Variants in RBFOX2 observed in about 807,000 individuals in gnomAD.
The protein encoded by RBFOX2 is RNA binding protein fox-1 homolog 2.
In RBFOX2, 10 loss-of-function variants were observed where a neutral mutation model predicts 49.1. The ratio of observed to expected loss-of-function variants is 0.20; its 90% CI spans 0.13 to 0.35. The LOEUF is 0.35. Among genes scored for constraint, RBFOX2 ranks in the 10% least tolerant of loss-of-function variants. The pLI, the probability that RBFOX2 is intolerant of heterozygous loss-of-function variation, is 1.00. For synonymous variants in RBFOX2, 183 were observed against 187.4 expected, an observed-to-expected ratio of 0.98 and a Z score of 0.19; for missense variants, 323 against 486.9, an observed-to-expected ratio of 0.66 and a Z score of 3.17.
chr22:35,971,011 T>A (rs1233365030), intron 1 of RBFOX2, among the ~76,000 whole-genome samples: 2 of 152,056 alleles, frequency 1.3e-5, no homozygotes, highest in Admixed American at 6.6e-5. Flanking sequence ...ATATAAAATA[T>A]ATCCCTGGTG....
intron 1 of RBFOX2, chr22:35,999,099 A>T (rs1014415878): frequency 1.3e-5 from 2 of 152,246 alleles, no homozygotes; most frequent in South Asian, 4.1e-4. Flanking sequence ...AAGGGTAAAA[A>T]GGGGTCTGTG....
At chr22:35,925,495 G>A (rs1240951048) in intron 1 of RBFOX2, among the ~76,000 whole-genome samples, 1 of 152,174 alleles carries the variant, frequency 6.6e-6, no homozygotes, top group African/African-American at 2.4e-5. Flanking sequence ...TCCAGCCTGA[G>A]GGACAGAGAG....
intron 1 of RBFOX2, among the ~76,000 whole-genome samples, chr22:35,826,322 A>C (rs1290512901): frequency 1.3e-5 from 2 of 148,716 alleles, no homozygotes; most frequent in African/African-American, 2.5e-5. Flanking sequence ...AGCCTGGGCA[A>C]CAAGAGCGAA....
intron 5 of RBFOX2, among the ~76,000 whole-genome samples, chr22:35,767,700 GAT>G (rs1941432838): frequency 6.6e-6 from 1 of 152,080 alleles, no homozygotes; most frequent in Non-Finnish European, 1.5e-5. Context: ...CTTGGTATTA[GAT>G]ATATTTAAAA....
chr22:35,986,457 G>A (rs2057729520), intron 1 of RBFOX2, among the ~76,000 whole-genome samples: 1 of 152,156 alleles, frequency 6.6e-6, no homozygotes, highest in Admixed American at 6.5e-5. Context: ...CTGCTGTGGA[G>A]GTGGGAGAAG....
chr22:35,806,827 C>T (rs559897521), intron 2 of RBFOX2, among the ~76,000 whole-genome samples: 48 of 152,218 alleles, frequency 3.2e-4, no homozygotes, highest in African/African-American at 9.6e-4. Context: ...GAGTGGGGGA[C>T]GGAGTCTCAC....
At chr22:36,028,419 C>T in exon 1 of RBFOX2, 1 of 1,221,014 alleles carries the variant, frequency 8.2e-7, no homozygotes, top group Non-Finnish European at 1.0e-6. Context: ...TGGGCGCCCT[C>T]CGCCATCCGC....
chr22:35,816,893 C>T (rs549107743), intron 1 of RBFOX2, among the ~76,000 whole-genome samples: 1 of 152,274 alleles, frequency 6.6e-6, no homozygotes, highest in Admixed American at 6.5e-5. Flanking sequence ...TCATCTTTTA[C>T]CTTGTTCTTT....
At chr22:35,779,840 T>C (rs1944733405) in intron 3 of RBFOX2, among the ~76,000 whole-genome samples, 1 of 152,184 alleles carries the variant, frequency 6.6e-6, no homozygotes, top group Non-Finnish European at 1.5e-5. Context: ...CTTTTGCACT[T>C]TATGCCTTAT....
At chr22:35,926,027 C>T (rs1421653822) in intron 1 of RBFOX2, among the ~76,000 whole-genome samples, 1 of 152,148 alleles carries the variant, frequency 6.6e-6, no homozygotes, top group Non-Finnish European at 1.5e-5. Flanking sequence ...GCAGCTAATG[C>T]TATTAAGAAA....
chr22:35,936,296 C>A (rs981368397), intron 1 of RBFOX2, among the ~76,000 whole-genome samples: 2 of 151,136 alleles, frequency 1.3e-5, no homozygotes, highest in Admixed American at 6.6e-5. Flanking sequence ...TTCACCTTCA[C>A]CCCATTCCCC....
chr22:35,873,329 G>A (rs778899310), intron 1 of RBFOX2, among the ~76,000 whole-genome samples: 15 of 151,394 alleles, frequency 9.9e-5, no homozygotes, highest in Non-Finnish European at 1.3e-4. Context: ...ACGGGGTCTC[G>A]TCATGTTGGC....
intron 2 of RBFOX2, among the ~76,000 whole-genome samples, chr22:35,808,033 T>C (rs1409906546): frequency 6.6e-6 from 1 of 151,124 alleles, no homozygotes; most frequent in Non-Finnish European, 1.5e-5. Context: ...AAACAGAGAA[T>C]AAAAATGAAA....
intron 1 of RBFOX2, among the ~76,000 whole-genome samples, chr22:35,979,117 A>G (rs2057337249): frequency 6.6e-6 from 1 of 152,222 alleles, no homozygotes; most frequent in Non-Finnish European, 1.5e-5. Context: ...TGAGAAGAGC[A>G]TAGCATCATT....
intron 1 of RBFOX2, among the ~76,000 whole-genome samples, chr22:35,930,944 C>A (rs1305660576): frequency 1.3e-5 from 2 of 152,216 alleles, no homozygotes; most frequent in Non-Finnish European, 2.9e-5. Context: ...AAGCATATTA[C>A]TTAGCATGGC....
chr22:35,860,089 CATA>C (rs2042943635), intron 1 of RBFOX2, among the ~76,000 whole-genome samples: 2 of 152,196 alleles, frequency 1.3e-5, no homozygotes, highest in South Asian at 2.1e-4. Context: ...AAAAATTGGT[CATA>C]ATATTTCACA....
intron 9 of RBFOX2, among the ~76,000 whole-genome samples, 196 bp downstream of exon 11, chr22:35,755,909 G>A (rs1207413482): frequency 6.6e-6 from 1 of 151,248 alleles, no homozygotes. Flanking sequence ...TTGCACCCAG[G>A]GGCAAGCGCA....
chr22:35,993,945 C>T (rs2150121444), intron 1 of RBFOX2: 1 of 152,182 alleles, frequency 6.6e-6, no homozygotes, highest in Middle Eastern at 3.4e-3. Flanking sequence ...CAAGATTGCG[C>T]CACTGCACTC....
chr22:35,764,293 A>C (rs922876179), intron 6 of RBFOX2, among the ~76,000 whole-genome samples: 1 of 152,032 alleles, frequency 6.6e-6, no homozygotes, highest in African/African-American at 2.4e-5. Context: ...ACTTTTTAAA[A>C]AAACAGCAGA....
Sources: gnomAD v4.1 joint callset for allele counts (sites outside exome capture counted in the v4.1 genomes callset) on GRCh38, gnomAD v4.1.1 for gene constraint, MANE v1.5 for transcripts, NCBI Gene and HGNC (gene_info 2026-07-23, HGNC 2026-07-21) for gene names.